Variants in PTPRA observed in about 807,000 individuals in gnomAD.
The protein encoded by PTPRA is protein tyrosine phosphatase receptor type A, also known as receptor-type tyrosine-protein phosphatase alpha.
In PTPRA, 25 loss-of-function variants were observed where a neutral mutation model predicts 104.8. The observed-to-expected ratio is 0.24, with a 90% confidence interval of 0.17 to 0.33. The LOEUF (loss-of-function observed/expected upper bound fraction) is 0.33. Ranked by LOEUF, PTPRA falls within the 10% of genes least tolerant of loss-of-function variation. The pLI is 1.00. For missense variants in PTPRA, 765 were observed against 1,015.3 expected (o/e 0.75, Z 3.35); for synonymous variants, 323 against 368.9 (o/e 0.88, Z 1.43).
At chr20:2,941,093 C>T (rs556786184) in intron 2 of PTPRA, among the ~76,000 whole-genome samples, 138 of 151,974 alleles carry the variant, frequency 9.1e-4, no homozygotes, top group African/African-American at 2.5e-3. Context: ...TTCAGTGGCG[C>T]GATCTCAACT....
chr20:2,939,812 A>T (rs1367004773), intron 2 of PTPRA, among the ~76,000 whole-genome samples: 3 of 152,086 alleles, frequency 2.0e-5, no homozygotes, highest in Non-Finnish European at 4.4e-5. Context: ...GTTCGGTTAT[A>T]ATCGGTGGGA....
At chr20:2,942,279 TATA>T (rs1338192379) in intron 2 of PTPRA, among the ~76,000 whole-genome samples, 1 of 152,228 alleles carries the variant, frequency 6.6e-6, no homozygotes, top group Admixed American at 6.5e-5. Flanking sequence ...GTGGTATAAT[TATA>T]ACATATGCTG....
intron 1 of PTPRA, among the ~76,000 whole-genome samples, chr20:2,916,581 T>C (rs1170932537): frequency 1.3e-5 from 2 of 152,146 alleles, no homozygotes; most frequent in African/African-American, 4.8e-5. Flanking sequence ...CAGCCAGCCA[T>C]GGTGGTGTGT....
At chr20:2,903,976 C>T (rs2059325637) in intron 1 of PTPRA, among the ~76,000 whole-genome samples, 2 of 151,932 alleles carry the variant, frequency 1.3e-5, no homozygotes, top group African/African-American at 4.8e-5. Context: ...GCAATCATGG[C>T]TCACTGCAAC....
intron 11 of PTPRA, among the ~76,000 whole-genome samples, chr20:3,009,572 T>C (rs531593288): frequency 1.3e-5 from 2 of 152,244 alleles, no homozygotes; most frequent in East Asian, 3.9e-4. Context: ...CTGGAGTGAA[T>C]TTGCTGAAGT....
At chr20:2,993,748 C>T (rs1266350484) in intron 9 of PTPRA, among the ~76,000 whole-genome samples, 1 of 152,228 alleles carries the variant, frequency 6.6e-6, no homozygotes, top group Non-Finnish European at 1.5e-5. Flanking sequence ...CTTACATTTG[C>T]TCTTTCTGTG....
chr20:3,038,002 A>C, intron 23 of PTPRA, 57 bp from the exon 24 acceptor site: 1 of 1,407,204 alleles, frequency 7.1e-7, no homozygotes, highest in Non-Finnish European at 1.0e-6. Flanking sequence ...GTTAGGAATT[A>C]CAGGTACTGT....
chr20:2,904,279 T>A (rs1382748646), intron 1 of PTPRA, among the ~76,000 whole-genome samples: 12 of 152,136 alleles, frequency 7.9e-5, no homozygotes. Flanking sequence ...AATTTTTAAA[T>A]GATGCACAAA....
At chr20:2,864,682 G>T in the PTPRA span, 3 of 1,601,516 alleles carry the variant, frequency 1.9e-6, no homozygotes, top group Admixed American at 1.7e-5. This position sits in a 1 kb window ranked among gnomAD's most constrained non-coding sequence, Gnocchi z 5.2. Context: ...CGTGTGGGGC[G>T]TGTGGGGCAT....
At position 3,037,740 on chromosome 20, in the gene PTPRA, G is replaced by T. The variant is rs1375416365; in HGVS notation, c.2335-319G>T. 6.6e-6 allele frequency among the ~76,000 whole-genome samples: 1 copy of T among 152,182 alleles called. No individual in the cohort carries two copies. Among genetic ancestry groups the T allele is most frequent in the Non-Finnish European group, 1.5e-5 (1 of 68,036 alleles). ...GGGAGACGAGGTTCTGAGAGCCAGGGTGCATGCTAGCCTGGCAGCCATGGT... is the reference window on the plus strand; with the variant it reads ...GGGAGACGAGGTTCTGAGAGCCAGGTTGCATGCTAGCCTGGCAGCCATGGT... On this transcript the variant is annotated intron_variant, in intron 23 of 23. Transcript: ENST00000399903. The surrounding 1 kb of genome is among the most constrained non-coding windows in gnomAD (Gnocchi z 4.3).
Position 2,988,042 on chromosome 20 carries a change from T to G in PTPRA, c.538T>G (p.Tyr180Asp). The change falls in exon 8 of 24, where the codon TAC becomes GAC. Residue 180 changes from tyrosine to aspartate, a missense_variant. Physicochemically the swap from Tyr to Asp is radical, Grantham distance 160. This residue lies in a region of PTPRA where 256 missense variants were observed against 248.9 expected (regional missense o/e 1.03). Coordinates refer to ENST00000399903, the MANE Select transcript of PTPRA (RefSeq NM_001385305.1). ...IVLYMLRFKK[Y>D]KQAGSHSNSF... The stretch of plus-strand genomic sequence containing the variant: ...TCATTTTCTCATTAGGTTTAAGAAA[T>G]ACAAGCAAGCTGGGAGCCATTCCAA... 1 of 1,578,568 alleles carries G rather than the reference T, an allele frequency of 6.3e-7. No individual in the cohort carries two copies. Among genetic ancestry groups the G allele is most frequent in the East Asian group, 2.2e-5 (1 of 44,720 alleles).
Position 3,024,599 on chromosome 20 carries a change from A to G in PTPRA, c.1592A>G (p.Asn531Ser). 1.2e-6 allele frequency: 2 copies of G among 1,614,124 alleles called. No homozygotes were observed. Among genetic ancestry groups the G allele is most frequent in the South Asian group, 1.1e-5 (1 of 91,076 alleles). The change falls in exon 17 of 24, where the codon AAT becomes AGT. Residue 531 changes from asparagine to serine, a missense_variant. Asn to Ser is a conservative substitution (Grantham distance 46). Around this residue, in one of 4 missense-constraint regions of PTPRA, gnomAD observed 192 missense variants for 227.0 expected, o/e 0.85. Transcript: ENST00000399903. ...AACAAAATCCCAGGGACCAGCAACAATGGATTAGAGGAGGAGTTTAAGGTG... is the reference window on the plus strand; with the variant it reads ...AACAAAATCCCAGGGACCAGCAACAGTGGATTAGAGGAGGAGTTTAAGGTG... ...IYNKIPGTSN[N>S]GLEEEFKKLT...
At chr20:2,892,672 C>G (rs1288232694) in intron 1 of PTPRA, among the ~76,000 whole-genome samples, 1 of 152,168 alleles carries the variant, frequency 6.6e-6, no homozygotes, top group Non-Finnish European at 1.5e-5. Context: ...GCTAGGCTAA[C>G]TATGGCATTC....
At chr20:3,029,558 T>TTTTTTTTA (rs2065328932) in intron 20 of PTPRA, among the ~76,000 whole-genome samples, 2 of 116,702 alleles carry the variant, frequency 1.7e-5, no homozygotes, top group African/African-American at 6.0e-5. Context: ...TTTTTTTTTT[T>TTTTTTTTA]GAGACGGAGT....
chr20:3,018,835 C>T (rs1240918743), intron 13 of PTPRA, among the ~76,000 whole-genome samples: 1 of 109,686 alleles, frequency 9.1e-6, no homozygotes, highest in Non-Finnish European at 1.7e-5. Flanking sequence ...CCGGACAGGG[C>T]GGCTGGCCGG....
Position 3,038,513 on chromosome 20 carries a change from T to G in PTPRA, c.*380T>G, listed in dbSNP as rs2065907306. 1 of 266,312 alleles carries G rather than the reference T, an allele frequency of 3.8e-6. No individual in the cohort carries two copies. Among genetic ancestry groups the G allele is most frequent in the Admixed American group, 5.1e-5 (1 of 19,486 alleles). The allele number at this position is 266,312 out of a possible 1,614,324, so 16.5% of individuals were successfully genotyped here. On this transcript the variant is annotated 3_prime_UTR_variant, in exon 24 of 24. Coordinates refer to ENST00000399903, the MANE Select transcript of PTPRA (RefSeq NM_001385305.1). ...TCTCAGAGCTCTCGAGGAAAGTGGT[T>G]GTCCCCGTACCACCATGCACTGTAA...
chr20:3,032,956 C>A (rs1481392967), intron 20 of PTPRA, among the ~76,000 whole-genome samples: 1 of 150,828 alleles, frequency 6.6e-6, no homozygotes, highest in Non-Finnish European at 1.5e-5. Flanking sequence ...AGAGTCAGTA[C>A]CTCCCTCCTC....
intron 5 of PTPRA, among the ~76,000 whole-genome samples, chr20:2,971,899 A>G (rs2062204643): frequency 6.6e-6 from 1 of 152,104 alleles, no homozygotes; most frequent in Admixed American, 6.6e-5. Flanking sequence ...CAGTGGCGCC[A>G]TCTCAGCTCA....
chr20:2,886,147 A>G (rs1231579304), intron 1 of PTPRA, among the ~76,000 whole-genome samples: 2 of 152,232 alleles, frequency 1.3e-5, no homozygotes, highest in African/African-American at 4.8e-5. Flanking sequence ...AACCAACTGT[A>G]AAAAGTTATT....
Sources: allele counts gnomAD v4.1 joint callset (sites outside exome capture counted in the v4.1 genomes callset), GRCh38; gene constraint gnomAD v4.1.1; regional missense constraint gnomAD v4.1.1; non-coding constraint Gnocchi (gnomAD v3.1); transcripts MANE v1.5; gene names NCBI Gene and HGNC (gene_info 2026-07-23, HGNC 2026-07-21).